Variants in STX8 observed in about 807,000 individuals in gnomAD.
The protein encoded by STX8 is syntaxin 8.
Under a neutral mutation model 37.5 loss-of-function variants are expected in STX8, and 23 were observed. That is an observed-to-expected ratio of 0.61 (90% CI 0.44 to 0.87). STX8 has a LOEUF of 0.87. Ranked by LOEUF, STX8 falls within the 40% of genes least tolerant of loss-of-function variation. The pLI, the probability that STX8 is intolerant of heterozygous loss-of-function variation, is 0.00. For synonymous variants in STX8, 115 were observed against 99.1 expected (o/e 1.16, Z -0.95); for missense variants, 313 against 284.7 (o/e 1.10, Z -0.71).
At chr17:9,540,569 T>C (rs1470778067) in intron 4 of STX8, 1 of 152,332 alleles carries the variant, frequency 6.6e-6, no homozygotes, top group South Asian at 2.1e-4. Flanking sequence ...TGCAATGATT[T>C]TCTTTCTTCA....
intron 7 of STX8, among the ~76,000 whole-genome samples, chr17:9,336,072 T>G (rs996047784): frequency 2.6e-5 from 4 of 152,184 alleles, no homozygotes; most frequent in Admixed American, 2.0e-4. Flanking sequence ...CTCTATTACT[T>G]TGAATAGGCG....
rs1293727041 is a variant in STX8 at position 9,557,677 on chromosome 17, G to A, written c.118-149C>T. The A allele has an allele frequency of 4.5e-6, 3 of 673,514 alleles. No homozygotes were observed. The East Asian group carries it at 9.1e-5, about 20-fold the overall frequency. The allele number at this position is 673,514 out of a possible 1,614,324, so 41.7% of individuals were successfully genotyped here. A position where few individuals can be genotyped will look rare whatever the true frequency, so the allele number is the denominator to read the frequency against. On this transcript the variant is annotated intron_variant, in intron 2 of 7. Transcript: ENST00000306357. ...CTCAGCCCCTCACGACAAACTCAGGGCTGGAAGGAGGCTCAGTGGTGCCCT... is the reference window on the plus strand; with the variant it reads ...CTCAGCCCCTCACGACAAACTCAGGACTGGAAGGAGGCTCAGTGGTGCCCT...
intron 6 of STX8, among the ~76,000 whole-genome samples, chr17:9,394,631 C>T (rs1260068089): frequency 6.6e-6 from 1 of 151,658 alleles, no homozygotes; most frequent in Non-Finnish European, 1.5e-5. Context: ...TCCCAAAGTG[C>T]TGGGATTACA....
At chr17:9,348,889 T>C (rs1042138233) in intron 7 of STX8, among the ~76,000 whole-genome samples, 6 of 152,322 alleles carry the variant, frequency 3.9e-5, no homozygotes, top group Admixed American at 3.3e-4. Flanking sequence ...TAATCGTCCC[T>C]TATGCATGGA....
intron 7 of STX8, among the ~76,000 whole-genome samples, chr17:9,372,717 C>T (rs192233593): frequency 0.013 from 1,921 of 149,998 alleles, 61 homozygotes; most frequent in African/African-American, 0.045. Context: ...ACCTTGTGAT[C>T]CACCCGCCTC....
chr17:9,529,502 T>C (rs1249629106), intron 4 of STX8, among the ~76,000 whole-genome samples: 3 of 152,270 alleles, frequency 2.0e-5, no homozygotes, highest in African/African-American at 2.4e-5. Flanking sequence ...ATACCCACAG[T>C]TAACCACTAC....
At chr17:9,407,505 T>A in intron 6 of STX8, among the ~76,000 whole-genome samples, 1 of 146,796 alleles carries the variant, frequency 6.8e-6, no homozygotes, top group African/African-American at 2.4e-5. Context: ...GAGCCAAATA[T>A]GAGTGACCAT....
At chr17:9,543,999 T>C (rs1906390529) in intron 4 of STX8, among the ~76,000 whole-genome samples, 1 of 152,140 alleles carries the variant, frequency 6.6e-6, no homozygotes, top group African/African-American at 2.4e-5. Flanking sequence ...GGTTGTATAT[T>C]AGAATCACCT....
intron 6 of STX8, among the ~76,000 whole-genome samples, chr17:9,475,952 C>G (rs368175929): frequency 1.4e-4 from 22 of 152,146 alleles, no homozygotes; most frequent in Admixed American, 1.3e-4. Context: ...AGGTCAAGGT[C>G]GGCGGATCAC....
intron 4 of STX8, among the ~76,000 whole-genome samples, 178 bp downstream of exon 4, chr17:9,544,994 C>T (rs1234697745): frequency 6.6e-6 from 1 of 151,826 alleles, no homozygotes; most frequent in Non-Finnish European, 1.5e-5. Flanking sequence ...GACTCTGTCT[C>T]AAACAAACAA....
chr17:9,425,470 C>T (rs1180971483), intron 6 of STX8, among the ~76,000 whole-genome samples: 1 of 152,036 alleles, frequency 6.6e-6, no homozygotes, highest in Non-Finnish European at 1.5e-5. Flanking sequence ...AAGAGGTACA[C>T]CTGAAGCAAG....
At chr17:9,489,390 T>C (rs1906750130) in intron 6 of STX8, among the ~76,000 whole-genome samples, 1 of 152,190 alleles carries the variant, frequency 6.6e-6, no homozygotes, top group Non-Finnish European at 1.5e-5. Context: ...TGATAACCAC[T>C]AAACCAGACG....
intron 4 of STX8, among the ~76,000 whole-genome samples, chr17:9,519,897 A>G (rs1905281688): frequency 6.9e-6 from 1 of 145,822 alleles, no homozygotes; most frequent in African/African-American, 2.6e-5. Flanking sequence ...CCTGATCCCT[A>G]GCCCCATCCC....
chr17:9,319,368 G>A (rs1490703221), intron 7 of STX8, among the ~76,000 whole-genome samples: 2 of 152,028 alleles, frequency 1.3e-5, no homozygotes, highest in African/African-American at 2.4e-5. Flanking sequence ...GCAGTGAGCC[G>A]AGATTGTGCC....
chr17:9,365,868 G>A lies in STX8; in HGVS notation c.643+12684C>T, dbSNP rs1454560255. On this transcript the variant is annotated intron_variant, in intron 7 of 7. Coordinates refer to ENST00000306357, the MANE Select transcript of STX8 (RefSeq NM_004853.3). ...TGCACCTGTAACCCCAGCTACTCAG[G>A]AGGCTGAGGCAGGAGAATCGTTTGA... 2.0e-5 allele frequency among the ~76,000 whole-genome samples: 3 copies of A among 152,208 alleles called. No homozygotes were observed. The East Asian group carries it at 5.8e-4, about 29-fold the overall frequency.
At chr17:9,475,353 T>C (rs947985451) in intron 6 of STX8, among the ~76,000 whole-genome samples, 1 of 152,222 alleles carries the variant, frequency 6.6e-6, no homozygotes, top group African/African-American at 2.4e-5. Flanking sequence ...TAAGAAGCTC[T>C]TTCTTTTTGA....
intron 7 of STX8, among the ~76,000 whole-genome samples, chr17:9,251,432 C>T (rs914890595): frequency 1.6e-4 from 24 of 152,176 alleles, no homozygotes; most frequent in Admixed American, 5.2e-4. Context: ...CAGGTACCAG[C>T]GGCGACAAGG....
chr17:9,404,843 T>C (rs1912751508), intron 6 of STX8, among the ~76,000 whole-genome samples: 1 of 152,220 alleles, frequency 6.6e-6, no homozygotes, highest in South Asian at 2.1e-4. Context: ...GTCTTCTTCC[T>C]CGTTGTCTGG....
chr17:9,362,997 C>T (rs1002318611), intron 7 of STX8, among the ~76,000 whole-genome samples: 6 of 152,094 alleles, frequency 3.9e-5, no homozygotes, highest in Non-Finnish European at 7.4e-5. Context: ...TAACTTGATG[C>T]GGCCACCCTG....
Sources: gnomAD v4.1 joint callset for allele counts (sites outside exome capture counted in the v4.1 genomes callset) on GRCh38, gnomAD v4.1.1 for gene constraint, MANE v1.5 for transcripts, NCBI Gene and HGNC (gene_info 2026-07-23, HGNC 2026-07-21) for gene names.